ANO10: variants seen among roughly 807,000 people sequenced by gnomAD.
The protein encoded by ANO10 is anoctamin-10.
In ANO10, 77 loss-of-function variants were observed where a neutral mutation model predicts 74.7. That is an observed-to-expected ratio of 1.03 (90% confidence interval 0.86 to 1.25). The LOEUF (loss-of-function observed/expected upper bound fraction) is 1.25, where lower values mean the gene tolerates loss of function less well. Among genes scored for constraint, ANO10 ranks in the 50% most tolerant of loss-of-function variants. The pLI is 0.00. For synonymous variants in ANO10, 279 were observed against 284.9 expected (o/e 0.98, Z 0.21); for missense variants, 721 against 778.1 (o/e 0.93, Z 0.87).
At chr3:43,517,017 G>A (rs1396511480) in intron 11 of ANO10, among the ~76,000 whole-genome samples, 3 of 152,050 alleles carry the variant, frequency 2.0e-5, no homozygotes, top group Non-Finnish European at 4.4e-5. Context: ...TTTATGAGTC[G>A]GCTGCACAGG....
intron 1 of ANO10, among the ~76,000 whole-genome samples, chr3:43,613,225 G>T (rs1212311660): frequency 6.6e-6 from 1 of 151,108 alleles, no homozygotes; most frequent in Admixed American, 6.6e-5. Context: ...GCTATTGAAA[G>T]ATACCAGCCA....
At chr3:43,432,476 C>G in intron 12 of ANO10, 135 bp downstream of exon 12, 1 of 747,680 alleles carries the variant, frequency 1.3e-6, no homozygotes, top group Non-Finnish European at 2.3e-6. Flanking sequence ...TTATGTCATC[C>G]TGAACTGGAG....
intron 4 of ANO10, among the ~76,000 whole-genome samples, chr3:43,595,751 GT>G (rs1386634488): frequency 2.0e-5 from 3 of 152,288 alleles, no homozygotes; most frequent in African/African-American, 7.2e-5. Flanking sequence ...AGTGTTGGAA[GT>G]TCTGGCCAGG....
At chr3:43,405,636 G>C (rs1001897332) in intron 12 of ANO10, among the ~76,000 whole-genome samples, 1 of 151,958 alleles carries the variant, frequency 6.6e-6, no homozygotes, top group African/African-American at 2.4e-5. Flanking sequence ...ATCACGCCCG[G>C]TTAATTTTTG....
chr3:43,691,162 T>A, intron 1 of ANO10: 1 of 993,324 alleles, frequency 1.0e-6, no homozygotes, highest in Non-Finnish European at 1.3e-6. Flanking sequence ...GGCGGCTTCC[T>A]CGACCCTCCC....
intron 6 of ANO10, 36 bp downstream of exon 6, chr3:43,576,656 G>C: frequency 6.2e-7 from 1 of 1,600,690 alleles, no homozygotes; most frequent in Non-Finnish European, 8.6e-7. Flanking sequence ...TTTCTTACAG[G>C]CAAGTAAGAC....
At chr3:43,687,981 G>C (rs1412559595) in intron 1 of ANO10, among the ~76,000 whole-genome samples, 1 of 152,122 alleles carries the variant, frequency 6.6e-6, no homozygotes, top group African/African-American at 2.4e-5. Flanking sequence ...TAGGTGGATG[G>C]CCAATTCTAG....
Position 43,656,796 on chromosome 3 carries a change from C to T in ANO10, c.-12+34721G>A, listed in dbSNP as rs538605957. On this transcript the variant is annotated intron_variant, in intron 1 of 3. Coordinates refer to the ANO10 transcript ENST00000413397. ...GTGCTGCACACAGCCCGGGTTCCTG[C>T]TCGCGCCTCTCCCTCCACACCTCCC... 2.0e-5 allele frequency among the ~76,000 whole-genome samples: 3 copies of T among 152,360 alleles called. No individual in the cohort carries two copies. In the East Asian group the frequency reaches 5.8e-4, roughly 29 times the overall value.
chr3:43,443,977 C>T (rs1287289658), intron 11 of ANO10, among the ~76,000 whole-genome samples: 3 of 152,026 alleles, frequency 2.0e-5, no homozygotes, highest in Admixed American at 6.6e-5. Flanking sequence ...TCACTGCACC[C>T]GGATCCTTCT....
At chr3:43,522,917 T>C (rs1000019770) in intron 11 of ANO10, among the ~76,000 whole-genome samples, 3 of 152,066 alleles carry the variant, frequency 2.0e-5, no homozygotes, top group Non-Finnish European at 2.9e-5. Flanking sequence ...GTTCAAAGTT[T>C]AGGGTAAAAA....
intron 8 of ANO10, among the ~76,000 whole-genome samples, chr3:43,564,952 C>T (rs2149357850): frequency 6.6e-6 from 1 of 152,192 alleles, no homozygotes. Flanking sequence ...TACATGGGAC[C>T]ACTGTTACAT....
intron 11 of ANO10, among the ~76,000 whole-genome samples, chr3:43,523,754 C>A (rs1255983545): frequency 6.6e-6 from 1 of 152,196 alleles, no homozygotes; most frequent in Non-Finnish European, 1.5e-5. Flanking sequence ...ATACACAATA[C>A]ACATGTAGAT....
At chr3:43,568,860 A>G (rs1185454124) in intron 7 of ANO10, among the ~76,000 whole-genome samples, 1 of 150,552 alleles carries the variant, frequency 6.6e-6, no homozygotes, top group African/African-American at 2.5e-5. Context: ...GGAGATAGAG[A>G]CACAAAAAAC....
chr3:43,502,137 G>T (rs1264492247), intron 11 of ANO10, among the ~76,000 whole-genome samples: 1 of 152,202 alleles, frequency 6.6e-6, no homozygotes, highest in African/African-American at 2.4e-5. Context: ...ATTACCATAT[G>T]ATCCAGTAAT....
chr3:43,509,999 T>G lies in ANO10; in HGVS notation c.1797+39721A>C, dbSNP rs371916276. 8.1e-4 allele frequency among the ~76,000 whole-genome samples: 123 copies of G among 152,148 alleles called. 2 individuals carry two copies. In the South Asian group the frequency reaches 0.025, roughly 30 times the overall value. ...ATATAACATTTTTGAGAGACAAAATTTTGGAGACAGAGAACAGATTTTGGT... is the reference window on the plus strand; with the variant it reads ...ATATAACATTTTTGAGAGACAAAATGTTGGAGACAGAGAACAGATTTTGGT... On this transcript the variant is annotated intron_variant, in intron 11 of 12. Transcript: ENST00000292246.
At chr3:43,671,187 C>A (rs2084054907) in intron 1 of ANO10, among the ~76,000 whole-genome samples, 1 of 152,092 alleles carries the variant, frequency 6.6e-6, no homozygotes, top group African/African-American at 2.4e-5. Flanking sequence ...TGGACTACAA[C>A]TTGGTCAACA....
intron 2 of ANO10, among the ~76,000 whole-genome samples, chr3:43,601,403 C>T (rs928928980): frequency 6.6e-6 from 1 of 152,096 alleles, no homozygotes; most frequent in African/African-American, 2.4e-5. Context: ...CACCATGTTG[C>T]CCAGGCTGGT....
At chr3:43,641,319 C>T (rs2083667921) in intron 1 of ANO10, among the ~76,000 whole-genome samples, 1 of 152,224 alleles carries the variant, frequency 6.6e-6, no homozygotes, top group Admixed American at 6.5e-5. Flanking sequence ...AGACATATCA[C>T]TCTACTTGGA....
chr3:43,496,522 C>T (rs925012656), intron 11 of ANO10, among the ~76,000 whole-genome samples: 2 of 152,044 alleles, frequency 1.3e-5, no homozygotes, highest in African/African-American at 4.8e-5. Flanking sequence ...CAACCTCCAT[C>T]TTCCAAGCTC....
Sources: allele counts gnomAD v4.1 joint callset (sites outside exome capture counted in the v4.1 genomes callset), GRCh38; gene constraint gnomAD v4.1.1; transcripts MANE v1.5; gene names NCBI Gene and HGNC (gene_info 2026-07-23, HGNC 2026-07-21).